Variants in DLC1 observed in about 807,000 individuals in gnomAD.
DLC1 encodes DLC1 Rho GTPase activating protein.
In DLC1, 54 loss-of-function variants were observed where a neutral mutation model predicts 140.3. The ratio of observed to expected loss-of-function variants is 0.38; its 90% confidence interval spans 0.31 to 0.48. The LOEUF (loss-of-function observed/expected upper bound fraction) is 0.48, where lower values mean the gene tolerates loss of function less well. Among genes scored for constraint, DLC1 ranks in the 20% least tolerant of loss-of-function variants. The pLI, the probability that DLC1 is intolerant of heterozygous loss-of-function variation, is 0.96. For synonymous variants in DLC1, 986 were observed against 728.1 expected (o/e 1.35, Z -5.70); for missense variants, 2,536 against 1,907.0 (o/e 1.33, Z -6.14).
In DLC1 at chr8:13,369,163, C is replaced by T. The variant is rs554889527; in HGVS notation, c.1314+24390G>A. ...TATTTCCATTCATATGTCCATCCTGCATCCTCAATAGTCTGTAAGTGCCTA... is the reference window on the plus strand; with the variant it reads ...TATTTCCATTCATATGTCCATCCTGTATCCTCAATAGTCTGTAAGTGCCTA... On this transcript the variant is annotated intron_variant, in intron 4 of 17. Transcript: ENST00000276297. Among the ~76,000 whole-genome samples, 164 of 152,048 alleles carry T rather than the reference C, an allele frequency of 1.1e-3. 2 individuals carry two copies. Among genetic ancestry groups the T allele is most frequent in the Non-Finnish European group, 2.0e-3 (133 of 68,008 alleles).
chr8:13,369,844 C>A (rs939720813), intron 4 of DLC1, among the ~76,000 whole-genome samples: 1 of 150,312 alleles, frequency 6.7e-6, no homozygotes, highest in Admixed American at 6.7e-5. Flanking sequence ...GCTCTCCGAT[C>A]GTCTCCTCAG....
intron 16 of DLC1, among the ~76,000 whole-genome samples, chr8:13,087,263 G>A (rs552852100): frequency 2.8e-4 from 43 of 152,348 alleles, no homozygotes; most frequent in Admixed American, 2.2e-3. Flanking sequence ...TTAGCCAGGT[G>A]TGATGGCACA....
At chr8:13,359,001 C>T (rs565362347) in intron 4 of DLC1, among the ~76,000 whole-genome samples, 5 of 152,242 alleles carry the variant, frequency 3.3e-5, no homozygotes, top group South Asian at 2.1e-4. Context: ...TGCAGTGGCG[C>T]GATCTAGGCT....
intron 5 of DLC1, among the ~76,000 whole-genome samples, chr8:13,244,677 C>T (rs1829686500): frequency 6.6e-6 from 1 of 152,136 alleles, no homozygotes; most frequent in South Asian, 2.1e-4. Flanking sequence ...TTTATTCCTT[C>T]CACTTAAAAA....
Position 13,574,377 on chromosome 8 carries a change from T to C in DLC1, c.-126+30160A>G, listed in dbSNP as rs1225495359. On this transcript the variant is annotated intron_variant, in intron 1 of 1. Coordinates refer to the DLC1 transcript ENST00000631382. ...AAATTTTGAAATGGGATAAAAATTC[T>C]TAACGCTCAAACTTAATATATGTTT... Among the ~76,000 whole-genome samples, 4 of 152,190 alleles carry C rather than the reference T, an allele frequency of 2.6e-5. No homozygotes were observed. The East Asian group carries it at 7.7e-4, about 29-fold the overall frequency.
intron 5 of DLC1, chr8:13,160,301 G>T (rs975720823): frequency 6.6e-6 from 1 of 152,184 alleles, no homozygotes; most frequent in South Asian, 2.1e-4. Context: ...ATTAAAAGGC[G>T]GTGGGGAGAC....
chr8:13,502,430 G>A (rs1194165041), intron 1 of DLC1, among the ~76,000 whole-genome samples: 1 of 151,986 alleles, frequency 6.6e-6, no homozygotes, highest in Non-Finnish European at 1.5e-5. Context: ...TTCATTCCAT[G>A]TCATGTGGTC....
chr8:13,574,035 A>G (rs1804754460), intron 1 of DLC1, among the ~76,000 whole-genome samples: 1 of 152,136 alleles, frequency 6.6e-6, no homozygotes, highest in Non-Finnish European at 1.5e-5. Context: ...CTTCCAAACA[A>G]TGAAACTGAA....
chr8:13,177,362 T>C (rs929396563), intron 5 of DLC1, among the ~76,000 whole-genome samples: 6 of 152,250 alleles, frequency 3.9e-5, no homozygotes, highest in African/African-American at 1.4e-4. Flanking sequence ...GTCATCTATT[T>C]ACTTTCAGAA....
chr8:13,282,524 T>C (rs895671870), intron 5 of DLC1, among the ~76,000 whole-genome samples: 6 of 152,212 alleles, frequency 3.9e-5, no homozygotes, highest in Admixed American at 3.3e-4. Flanking sequence ...TTATATTACC[T>C]TAGCAAGAAC....
At chr8:13,133,374 C>T (rs554089961) in intron 5 of DLC1, 26,544 of 1,001,944 alleles carry the variant, frequency 0.026, 392 homozygotes, top group Non-Finnish European at 0.029. Flanking sequence ...ACCGCCTCCT[C>T]CCCGCTGTCT....
chr8:13,505,340 T>C (rs1465042394), intron 1 of DLC1, among the ~76,000 whole-genome samples: 1 of 151,216 alleles, frequency 6.6e-6, no homozygotes, highest in Non-Finnish European at 1.5e-5. Context: ...ACAGATAATG[T>C]TTAAAATAGA....
chr8:13,555,840 G>T (rs1159865995), intron 1 of DLC1, among the ~76,000 whole-genome samples: 1 of 151,816 alleles, frequency 6.6e-6, no homozygotes, highest in Non-Finnish European at 1.5e-5. Flanking sequence ...AGGACTCAAT[G>T]ATAGTAAGTT....
intron 1 of DLC1, among the ~76,000 whole-genome samples, chr8:13,571,358 T>C (rs1804647413): frequency 6.6e-6 from 1 of 152,162 alleles, no homozygotes. Context: ...CGTTCAGCAA[T>C]AACTCCCCAT....
chr8:13,572,578 T>G (rs1216298634), intron 1 of DLC1, among the ~76,000 whole-genome samples: 62 of 152,180 alleles, frequency 4.1e-4, no homozygotes, highest in Admixed American at 4.0e-3. Flanking sequence ...TCATGCAAGT[T>G]TGCCCATATA....
chr8:13,094,672 A>T, intron 12 of DLC1, 87 bp downstream of exon 12: 3 of 1,532,692 alleles, frequency 2.0e-6, no homozygotes, highest in Non-Finnish European at 2.7e-6. Context: ...TCTCAAAAAA[A>T]AAAAGAATGC....
At position 13,155,200 on chromosome 8, in the gene DLC1, T is replaced by C. The variant is rs535396199; in HGVS notation, c.1349-39543A>G. On this transcript the variant is annotated intron_variant, in intron 5 of 17. Transcript: ENST00000276297. ...AATGTACTCAATTTCTTTTAAAGTATGCATAGAATTCTATTATATGGCTAT... is the reference window on the plus strand; with the variant it reads ...AATGTACTCAATTTCTTTTAAAGTACGCATAGAATTCTATTATATGGCTAT... Among the ~76,000 whole-genome samples, 6 of 152,124 alleles carry C rather than the reference T, an allele frequency of 3.9e-5. No homozygotes were observed. The East Asian group carries it at 1.2e-3, about 29-fold the overall frequency.
At chr8:13,107,754 T>C (rs1819689001) in intron 7 of DLC1, among the ~76,000 whole-genome samples, 2 of 152,120 alleles carry the variant, frequency 1.3e-5, no homozygotes, top group Non-Finnish European at 2.9e-5. Flanking sequence ...TGTACTACGT[T>C]TTAAAGAAAG....
chr8:13,519,868 G>C (rs1311362993), upstream of DLC1, among the ~76,000 whole-genome samples: 3 of 152,136 alleles, frequency 2.0e-5, no homozygotes, highest in Non-Finnish European at 4.4e-5. Flanking sequence ...GACATATGAA[G>C]AAAATGCTCA....
Sources: allele counts gnomAD v4.1 joint callset (sites outside exome capture counted in the v4.1 genomes callset), GRCh38; gene constraint gnomAD v4.1.1; transcripts MANE v1.5; gene names NCBI Gene and HGNC (gene_info 2026-07-23, HGNC 2026-07-21).